The following RBFOX1 variants were observed in gnomAD, a reference collection of about 807,000 sequenced individuals.
RBFOX1 encodes RNA binding protein fox-1 homolog 1.
In RBFOX1, 8 loss-of-function variants were observed where a neutral mutation model predicts 57.7. The observed-to-expected ratio is 0.14, with a 90% confidence interval of 0.08 to 0.25. The LOEUF (loss-of-function observed/expected upper bound fraction) is 0.25. Among genes scored for constraint, RBFOX1 ranks in the 10% least tolerant of loss-of-function variants. The pLI, the probability that RBFOX1 is intolerant of heterozygous loss-of-function variation, is 1.00. For missense variants in RBFOX1, 611 were observed against 548.5 expected, an observed-to-expected ratio of 1.11 and a Z score of -1.14; for synonymous variants, 326 against 222.4, an observed-to-expected ratio of 1.47 and a Z score of -4.15.
At chr16:6,527,497 A>C (rs2096597685) in intron 2 of RBFOX1, among the ~76,000 whole-genome samples, 1 of 152,080 alleles carries the variant, frequency 6.6e-6, no homozygotes, top group African/African-American at 2.4e-5. Flanking sequence ...TGAATGTATA[A>C]TTTTTATGGA....
At position 6,019,046 on chromosome 16, in the gene RBFOX1, C is replaced by T. The variant is rs1223924116; in HGVS notation, c.-1073C>T. On this transcript the variant is annotated 5_prime_UTR_variant, in exon 1 of 16. Transcript: ENST00000550418. The surrounding 1 kb of genome is among the most constrained non-coding windows in gnomAD (Gnocchi z 4.2). Reference sequence around the variant, plus strand: ...ACCAGATTATTTTTGGCTCCGCAGCCGGGGCTGCTCGCTGCTTGTCGCGCG... The same window carrying T: ...ACCAGATTATTTTTGGCTCCGCAGCTGGGGCTGCTCGCTGCTTGTCGCGCG... 3 of 963,494 alleles carry T rather than the reference C, an allele frequency of 3.1e-6. No homozygotes were observed. The highest frequency in any genetic ancestry group is 3.7e-6 in the Non-Finnish European group (3 of 810,844). 59.7% of individuals were successfully genotyped at this position (963,494 alleles called of 1,614,324 possible). A position where few individuals can be genotyped will look rare whatever the true frequency, so the allele number is the denominator to read the frequency against.
intron 2 of RBFOX1, among the ~76,000 whole-genome samples, chr16:5,589,213 T>C (rs74671513): frequency 6.6e-6 from 1 of 152,048 alleles, no homozygotes; most frequent in African/African-American, 2.4e-5. Context: ...CCTGGTGGGT[T>C]TGTGGGGCGG....
intron 1 of RBFOX1, among the ~76,000 whole-genome samples, chr16:6,287,577 A>C (rs1012600099): frequency 2.6e-5 from 4 of 152,192 alleles, no homozygotes; most frequent in Non-Finnish European, 5.9e-5. Context: ...TGCCTGATTC[A>C]TAGTTAGACT....
rs571140141 is a variant in RBFOX1 at position 5,593,347 on chromosome 16, G to C, written c.259-5555G>C. Among the ~76,000 whole-genome samples, 411 of 152,146 alleles carry C rather than the reference G, an allele frequency of 2.7e-3. 3 individuals carry two copies. Among genetic ancestry groups the C allele is most frequent in the Non-Finnish European group, 4.8e-3 (328 of 68,008 alleles). ...CACATACCGGGGCCTGTCAGAGGGTGGGGGGTTAGGGGAGGGATAGCATTA... is the reference window on the plus strand; with the variant it reads ...CACATACCGGGGCCTGTCAGAGGGTCGGGGGTTAGGGGAGGGATAGCATTA... On this transcript the variant is annotated intron_variant, in intron 2 of 2. Coordinates refer to the RBFOX1 transcript ENST00000585867.
At chr16:6,700,512 G>T (rs2061666606) in intron 3 of RBFOX1, among the ~76,000 whole-genome samples, 1 of 152,014 alleles carries the variant, frequency 6.6e-6, no homozygotes, top group Non-Finnish European at 1.5e-5. Context: ...CAAAAAATCA[G>T]CTGGGTGAGG....
intron 2 of RBFOX1, among the ~76,000 whole-genome samples, chr16:6,621,858 C>T (rs914529191): frequency 3.3e-5 from 5 of 151,978 alleles, no homozygotes; most frequent in Non-Finnish European, 5.9e-5. Context: ...AGACGCTTGA[C>T]GAACAAGGTT....
chr16:5,286,647 G>C (rs949391329), intron 1 of RBFOX1, among the ~76,000 whole-genome samples: 2 of 152,184 alleles, frequency 1.3e-5, no homozygotes, highest in Non-Finnish European at 2.9e-5. Flanking sequence ...CCAGTCACTC[G>C]TAAGGGGGAT....
At chr16:6,441,237 G>C (rs895438062) in intron 2 of RBFOX1, among the ~76,000 whole-genome samples, 1 of 152,082 alleles carries the variant, frequency 6.6e-6, no homozygotes, top group Admixed American at 6.6e-5. Context: ...AGGGTTCTAA[G>C]GGAGGCAGGT....
Position 5,707,993 on chromosome 16 carries a change from C to T in RBFOX1, c.318+109032C>T, listed in dbSNP as rs1002134118. Among the ~76,000 whole-genome samples the T allele has an allele frequency of 1.2e-4, 19 of 152,182 alleles. No individual in the cohort carries two copies. The South Asian group carries it at 1.7e-3, about 13-fold the overall frequency. Reference sequence around the variant, plus strand: ...AATACTCATCTCAGGTGAAATTTGGCAGTGTATTCAAAGGGTTCACCACAT... The same window carrying T: ...AATACTCATCTCAGGTGAAATTTGGTAGTGTATTCAAAGGGTTCACCACAT... On this transcript the variant is annotated intron_variant, in intron 3 of 19. Coordinates refer to the RBFOX1 transcript ENST00000641259.
chr16:6,955,787 C>T (rs969531028), intron 3 of RBFOX1, among the ~76,000 whole-genome samples: 3 of 152,026 alleles, frequency 2.0e-5, no homozygotes, highest in African/African-American at 7.2e-5. Flanking sequence ...CTCACTGCAA[C>T]CTCCATTTCC....
intron 4 of RBFOX1, among the ~76,000 whole-genome samples, chr16:7,407,821 T>TG (rs1366593396): frequency 1.3e-5 from 2 of 152,090 alleles, no homozygotes; most frequent in Non-Finnish European, 2.9e-5. Flanking sequence ...CATATTTCAC[T>TG]GGGGGTGGGA....
chr16:7,395,483 T>C (rs546416413), intron 4 of RBFOX1, among the ~76,000 whole-genome samples: 2 of 152,346 alleles, frequency 1.3e-5, no homozygotes, highest in South Asian at 2.1e-4. Flanking sequence ...TAAGAACATT[T>C]TGGGCAATAA....
At chr16:7,623,088 A>C (rs2142116989) in intron 10 of RBFOX1, among the ~76,000 whole-genome samples, 1 of 152,292 alleles carries the variant, frequency 6.6e-6, no homozygotes. Context: ...GAGAAGTTTG[A>C]GGCTTATGGG....
At chr16:5,614,497 C>G (rs565770710) in intron 3 of RBFOX1, among the ~76,000 whole-genome samples, 2 of 152,184 alleles carry the variant, frequency 1.3e-5, no homozygotes, top group East Asian at 3.9e-4. Context: ...CTTTAAATGA[C>G]TTCGGATGCA....
At chr16:6,840,061 C>G (rs535384248) in intron 3 of RBFOX1, among the ~76,000 whole-genome samples, 1 of 152,216 alleles carries the variant, frequency 6.6e-6, no homozygotes, top group East Asian at 1.9e-4. Flanking sequence ...CGTGAGTTTA[C>G]TACTCAACTT....
At chr16:7,158,396 T>G (rs1264036264) in intron 4 of RBFOX1, among the ~76,000 whole-genome samples, 2 of 152,186 alleles carry the variant, frequency 1.3e-5, no homozygotes, top group African/African-American at 4.8e-5. Flanking sequence ...CAGTGATTGA[T>G]CTTACTGATG....
At chr16:6,607,493 C>T (rs549652618) in intron 2 of RBFOX1, among the ~76,000 whole-genome samples, 3 of 141,660 alleles carry the variant, frequency 2.1e-5, no homozygotes, top group Non-Finnish European at 3.0e-5. Context: ...ACTCTTTCTT[C>T]CTCTCTCTCC....
intron 3 of RBFOX1, among the ~76,000 whole-genome samples, chr16:6,702,897 T>G (rs2062074863): frequency 1.3e-5 from 2 of 152,204 alleles, no homozygotes; most frequent in Admixed American, 1.3e-4. Flanking sequence ...AATGGAAACT[T>G]TGTACCTATG....
intron 14 of RBFOX1, among the ~76,000 whole-genome samples, chr16:7,684,930 G>A (rs1389900144): frequency 6.6e-6 from 1 of 151,954 alleles, no homozygotes; most frequent in African/African-American, 2.4e-5. Context: ...CTTAGAAAAT[G>A]AACAAATGGG....
Sources: gnomAD v4.1 joint callset for allele counts (sites outside exome capture counted in the v4.1 genomes callset) on GRCh38, gnomAD v4.1.1 for gene constraint, Gnocchi (gnomAD v3.1) non-coding constraint, MANE v1.5 for transcripts, NCBI Gene and HGNC (gene_info 2026-07-23, HGNC 2026-07-21) for gene names.